Variants in ZNF749 observed in about 807,000 individuals in gnomAD.
ZNF749 encodes the protein zinc finger protein 749.
Under a neutral mutation model 7.3 loss-of-function variants are expected in ZNF749, and 8 were observed. That is an observed-to-expected ratio of 1.10 (90% confidence interval 0.64 to 1.98). ZNF749 has a LOEUF of 1.98. ZNF749 is among the 30% of genes most tolerant of loss of function. The probability of loss-of-function intolerance (pLI) is 0.00; values close to 1 mark genes in which losing one functional copy is unlikely to be tolerated. For missense variants in ZNF749, 898 were observed against 932.4 expected, an observed-to-expected ratio of 0.96 and a Z score of 0.48; for synonymous variants, 310 against 322.4, an observed-to-expected ratio of 0.96 and a Z score of 0.41.
At position 57,443,946 on chromosome 19, in the gene ZNF749, C is replaced by T; in HGVS notation, c.798C>T (p.Asn266=). Residue 266 remains asparagine, a synonymous_variant, in exon 3 of 3, where the codon AAC becomes AAT. Coordinates refer to ENST00000334181, the MANE Select transcript of ZNF749 (RefSeq NM_001023561.4). ...GAAAGACCTTTATTAGAAAGTCCAA[C>T]CTAGTTCAGCACCAGAAAATTCACA... ...EYGKTFIRKS[N]LVQHQKIHSE... is the part of the protein sequence containing the mutation. 5 of 1,613,774 alleles carry T rather than the reference C, an allele frequency of 3.1e-6. No homozygotes were observed. Among genetic ancestry groups the T allele is most frequent in the Non-Finnish European group, 3.4e-6 (4 of 1,179,832 alleles).
At chr19:57,435,312 T>C (rs1382399954), upstream of ZNF749, 2 of 591,872 alleles carry the variant, frequency 3.4e-6, no homozygotes, top group East Asian at 2.8e-5. Flanking sequence ...GAGGTCTCAA[T>C]TGTGTGGGCG....
Position 57,443,486 on chromosome 19 carries a change from CAT to C in ZNF749, c.339_340del (p.Ala115SerfsTer4), listed in dbSNP as rs2089016342. 6.2e-7 allele frequency: 1 copy of C among 1,614,058 alleles called. No homozygotes were observed. Among genetic ancestry groups the C allele is most frequent in the Non-Finnish European group, 8.5e-7 (1 of 1,180,000 alleles). On this transcript the variant is annotated frameshift_variant, in exon 3 of 3. Coordinates refer to ENST00000334181, the MANE Select transcript of ZNF749 (RefSeq NM_001023561.4). LOFTEE classifies it low-confidence loss of function (END_TRUNC). ...ACACACCCTGAGCAAGGGCTGTACA[CAT>C]GTGCAGCAGAGCATGACCTGCACCA... is the stretch of plus-strand genomic sequence containing the variant.
Position 57,445,105 on chromosome 19 carries a change from T to G in ZNF749, c.1957T>G (p.Tyr653Asp). The change falls in exon 3 of 3, where the codon TAC becomes GAC. Residue 653 changes from tyrosine to aspartate, a missense_variant. By Grantham distance (160) the Tyr-to-Asp change is radical. Transcript: ENST00000334181. ...ATGTGGGAAATTTTTTAGAGATAGC[T>G]ACAAACTCATTATTCATCAGAGAGT... ...SECGKFFRDS[Y>D]KLIIHQRVHT... is the part of the protein sequence containing the mutation. 6.2e-7 allele frequency: 1 copy of G among 1,613,800 alleles called. No individual in the cohort carries two copies. Among genetic ancestry groups the G allele is most frequent in the Non-Finnish European group, 8.5e-7 (1 of 1,179,916 alleles).
In ZNF749 at chr19:57,444,138, G is replaced by C; in HGVS notation, c.990G>C (p.Lys330Asn). 1.2e-6 allele frequency: 2 copies of C among 1,613,650 alleles called. No individual in the cohort carries two copies. Among genetic ancestry groups the C allele is most frequent in the African/African-American group, 2.7e-5 (2 of 74,850 alleles). Residue 330 changes from lysine to asparagine, a missense_variant, in exon 3 of 3, where the codon AAG becomes AAC. Physicochemically the swap from Lys to Asn is moderately conservative, Grantham distance 94 (BLOSUM62 0). Coordinates refer to ENST00000334181, the MANE Select transcript of ZNF749 (RefSeq NM_001023561.4). The stretch of plus-strand genomic sequence containing the variant: ...GAGAACAGCCCTATGAATGCAACAA[G>C]TGTGGGAAGTTTTTTATGTATAACT... ...HTGEQPYECN[K>N]CGKFFMYNSK...
chr19:57,431,321 G>A (rs1446935870), upstream of ZNF749, among the ~76,000 whole-genome samples: 1 of 152,058 alleles, frequency 6.6e-6, no homozygotes, highest in African/African-American at 2.4e-5. Context: ...AACAGTTTTT[G>A]TTTTCTTTTC....
Position 57,444,617 on chromosome 19 carries a change from A to AG in ZNF749, c.1471dup (p.Ala491GlyfsTer22). The AG allele has an allele frequency of 1.2e-6, 2 of 1,613,766 alleles. No homozygotes were observed. Among genetic ancestry groups the AG allele is most frequent in the Non-Finnish European group, 1.7e-6 (2 of 1,179,954 alleles). ...CCTTATACATGCAGTGAATGTGGGA[A>AG]GGCCTTCCTTACACAGGCTCATCTG... On this transcript the variant is annotated frameshift_variant, in exon 3 of 3. Transcript: ENST00000334181. LOFTEE classifies it low-confidence loss of function (END_TRUNC).
upstream of ZNF749, among the ~76,000 whole-genome samples, chr19:57,432,585 GGT>G (rs2088904645): frequency 1.2e-5 from 1 of 85,644 alleles, no homozygotes; most frequent in Non-Finnish European, 2.7e-5. Flanking sequence ...AAAAAAAAAA[GGT>G]GGGGGGGACT....
chr19:57,439,427 G>A lies in ZNF749; in HGVS notation c.16-2458G>A, dbSNP rs1403095100. Among the ~76,000 whole-genome samples the A allele has an allele frequency of 6.6e-6, 1 of 152,152 alleles. No individual in the cohort carries two copies. The highest frequency in any genetic ancestry group is 1.5e-5 in the Non-Finnish European group (1 of 68,034). On this transcript the variant is annotated intron_variant, in intron 1 of 2. Transcript: ENST00000334181. The surrounding 1 kb of genome is among the most constrained non-coding windows in gnomAD (Gnocchi z 4.3). ...AAGATGTAGTAAGTTCTGTAGTAGGGGGAGTGTTTATATAGTAGAGCATAT... is the reference window on the plus strand; with the variant it reads ...AAGATGTAGTAAGTTCTGTAGTAGGAGGAGTGTTTATATAGTAGAGCATAT...
At chr19:57,437,302 C>T (rs1191498704) in intron 1 of ZNF749, among the ~76,000 whole-genome samples, 1 of 151,636 alleles carries the variant, frequency 6.6e-6, no homozygotes, top group East Asian at 1.9e-4. Flanking sequence ...AATATGTACA[C>T]ATAGGCAATT....
At position 57,446,762 on chromosome 19, in the gene ZNF749, G is replaced by T. The variant is rs1015488377; in HGVS notation, c.*1277G>T. 9.2e-5 allele frequency among the ~76,000 whole-genome samples: 14 copies of T among 152,142 alleles called. No individual in the cohort carries two copies. The highest frequency in any genetic ancestry group is 2.1e-4 in the Non-Finnish European group (14 of 68,020). On this transcript the variant is annotated 3_prime_UTR_variant, in exon 3 of 3. Transcript: ENST00000334181. ...AGCCTATTACGCACCTAGGCTATAT[G>T]ATATGGTCCATTGCGCCTCAGATAT... is the stretch of plus-strand genomic sequence containing the variant.
chr19:57,432,564 A>AG, upstream of ZNF749, among the ~76,000 whole-genome samples: 2 of 136,718 alleles, frequency 1.5e-5, no homozygotes, highest in Non-Finnish European at 3.2e-5. Context: ...TCTGTCTTAA[A>AG]AAAAAAAAAA....
Position 57,444,173 on chromosome 19 carries a change from T to A in ZNF749, c.1025T>A (p.Ile342Asn). Reference sequence around the variant, plus strand: ...TTTTTTATGTATAACTCCAAACTCATCAGACATCAGAAAGTTCACACTGGG... The same window carrying A: ...TTTTTTATGTATAACTCCAAACTCAACAGACATCAGAAAGTTCACACTGGG... ...GKFFMYNSKLIRHQKVHTGER... is the reference protein window; with the variant it reads ...GKFFMYNSKLNRHQKVHTGER... The change falls in exon 3 of 3, where the codon ATC becomes AAC. Residue 342 changes from isoleucine to asparagine, a missense_variant. Physicochemically the swap from Ile to Asn is moderately radical, Grantham distance 149. Coordinates refer to ENST00000334181, the MANE Select transcript of ZNF749 (RefSeq NM_001023561.4). The A allele has an allele frequency of 1.2e-6, 2 of 1,614,072 alleles. No homozygotes were observed. Among genetic ancestry groups the A allele is most frequent in the Non-Finnish European group, 1.7e-6 (2 of 1,180,024 alleles).
At chr19:57,437,370 A>G (rs1600101723) in intron 1 of ZNF749, among the ~76,000 whole-genome samples, 1 of 152,128 alleles carries the variant, frequency 6.6e-6, no homozygotes, top group Non-Finnish European at 1.5e-5. Flanking sequence ...TAGAATGTTA[A>G]TTTACCTGTA....
At chr19:57,435,958 G>A (rs1261182186) in intron 1 of ZNF749, among the ~76,000 whole-genome samples, 1 of 152,152 alleles carries the variant, frequency 6.6e-6, no homozygotes, top group African/African-American at 2.4e-5. Context: ...TAAAGTTGGG[G>A]AAAACAGGAT....
Position 57,443,835 on chromosome 19 carries a change from T to C in ZNF749, c.687T>C (p.Cys229=), listed in dbSNP as rs2089022477. 8.1e-6 allele frequency: 13 copies of C among 1,614,172 alleles called. No individual in the cohort carries two copies. Among genetic ancestry groups the C allele is most frequent in the Non-Finnish European group, 1.1e-5 (13 of 1,180,030 alleles). The change falls in exon 3 of 3, where the codon TGT becomes TGC. Residue 229 remains cysteine, a synonymous_variant. Transcript: ENST00000334181. ...NGERPYEFSE[C]GELFRYNSNL... is the part of the protein sequence containing the mutation. The stretch of plus-strand genomic sequence containing the variant: ...AGAGGCCTTATGAGTTCAGTGAATG[T>C]GGGGAATTGTTTAGGTACAACTCCA...
chr19:57,431,217 G>GATAC (rs1477611434), upstream of ZNF749, among the ~76,000 whole-genome samples: 3 of 152,150 alleles, frequency 2.0e-5, no homozygotes, highest in Non-Finnish European at 4.4e-5. Flanking sequence ...GAACCTTGGA[G>GATAC]ATTGTACAAA....
At chr19:57,429,774 G>A in the ZNF749 span, among the ~76,000 whole-genome samples, 1 of 152,126 alleles carries the variant, frequency 6.6e-6, no homozygotes. This position sits in a 1 kb window ranked among gnomAD's most constrained non-coding sequence, Gnocchi z 4.2. Context: ...TCAGCCTCCT[G>A]AGTAGCTGAG....
Position 57,435,358 on chromosome 19 carries a change from T to C in ZNF749, c.-221T>C. 1.5e-6 allele frequency: 1 copy of C among 656,320 alleles called. No individual in the cohort carries two copies. Among genetic ancestry groups the C allele is most frequent in the East Asian group, 2.8e-5 (1 of 36,336 alleles). 40.7% of individuals were successfully genotyped at this position (656,320 alleles called of 1,614,324 possible). A position where few individuals can be genotyped will look rare whatever the true frequency, so the allele number is the denominator to read the frequency against. On this transcript the variant is annotated 5_prime_UTR_variant, in exon 1 of 3. The change abolishes an upstream ATG in the 5' untranslated region. Coordinates refer to ENST00000334181, the MANE Select transcript of ZNF749 (RefSeq NM_001023561.4). Reference sequence around the variant, plus strand: ...CGGCGCCCTCATGGTTGCGTTAGCATGGCTACCTAGGGATCTGTTCACTGA... The same window carrying C: ...CGGCGCCCTCATGGTTGCGTTAGCACGGCTACCTAGGGATCTGTTCACTGA...
chr19:57,435,826 T>TA (rs938324424), intron 1 of ZNF749, among the ~76,000 whole-genome samples: 218 of 152,306 alleles, frequency 1.4e-3, no homozygotes, highest in African/African-American at 5.1e-3. Context: ...CCCGAGCGTC[T>TA]TTGTCTCCAA....
Sources: gnomAD v4.1 joint callset for allele counts (sites outside exome capture counted in the v4.1 genomes callset) on GRCh38, gnomAD v4.1.1 for gene constraint, Gnocchi (gnomAD v3.1) non-coding constraint, MANE v1.5 for transcripts, NCBI Gene and HGNC (gene_info 2026-07-23, HGNC 2026-07-21) for gene names.